The following MYT1L variants were observed in gnomAD, a reference collection of about 807,000 sequenced individuals.
MYT1L encodes myelin transcription factor 1 like, also known as myelin transcription factor 1-like protein.
In MYT1L, 12 loss-of-function variants were observed where a neutral mutation model predicts 126.7. That is an observed-to-expected ratio of 0.09 (90% confidence interval 0.06 to 0.15). MYT1L has a LOEUF of 0.15. Ranked by LOEUF, MYT1L falls within the 10% of genes least tolerant of loss-of-function variation. The pLI, the probability that MYT1L is intolerant of heterozygous loss-of-function variation, is 1.00. For synonymous variants in MYT1L, 541 were observed against 604.2 expected (o/e 0.90, Z 1.53); for missense variants, 979 against 1,585.2 (o/e 0.62, Z 6.49).
At chr2:1,891,604 C>T (rs1415217171) in intron 15 of MYT1L, among the ~76,000 whole-genome samples, 1 of 152,204 alleles carries the variant, frequency 6.6e-6, no homozygotes, top group Non-Finnish European at 1.5e-5. Context: ...CCCTGCTACC[C>T]AGGAGTCCAT....
chr2:1,833,975 G>A (rs1207954054), intron 21 of MYT1L, among the ~76,000 whole-genome samples: 3 of 152,170 alleles, frequency 2.0e-5, no homozygotes, highest in Non-Finnish European at 2.9e-5. Context: ...TCTGAGACCC[G>A]GGGCCGGGAG....
intron 3 of MYT1L, among the ~76,000 whole-genome samples, chr2:2,111,357 G>A (rs1174173429): frequency 1.3e-5 from 2 of 152,162 alleles, no homozygotes; most frequent in Non-Finnish European, 2.9e-5. Context: ...TCCTCCCCCC[G>A]ACGGCACTCA....
At chr2:2,078,046 A>C (rs1308252384) in intron 3 of MYT1L, among the ~76,000 whole-genome samples, 1 of 152,188 alleles carries the variant, frequency 6.6e-6, no homozygotes, top group Non-Finnish European at 1.5e-5. Flanking sequence ...ATAGGACAAA[A>C]TTGGTGGAAG....
intron 4 of MYT1L, among the ~76,000 whole-genome samples, chr2:2,028,643 G>A (rs559945565): frequency 2.0e-5 from 3 of 152,284 alleles, no homozygotes; most frequent in Non-Finnish European, 4.4e-5. Flanking sequence ...CTCTTGTCAG[G>A]AGTATGGTAT....
chr2:1,951,037 C>A (rs763929516), intron 8 of MYT1L, among the ~76,000 whole-genome samples: 1 of 152,000 alleles, frequency 6.6e-6, no homozygotes, highest in Admixed American at 6.6e-5. Flanking sequence ...TGCACTGGTA[C>A]GGAAGACACG....
At chr2:1,829,137 G>A (rs534473204) in intron 21 of MYT1L, among the ~76,000 whole-genome samples, 10 of 152,200 alleles carry the variant, frequency 6.6e-5, no homozygotes, top group African/African-American at 9.6e-5. Flanking sequence ...TGAAGATGGC[G>A]TTGGGCCTCT....
At chr2:1,924,965 T>C (rs564782022) in intron 9 of MYT1L, among the ~76,000 whole-genome samples, 1 of 152,332 alleles carries the variant, frequency 6.6e-6, no homozygotes, top group East Asian at 1.9e-4. Context: ...TTATGCACTT[T>C]GTTATATTCA....
intron 9 of MYT1L, among the ~76,000 whole-genome samples, chr2:1,930,767 A>G (rs1208645055): frequency 6.6e-6 from 1 of 152,164 alleles, no homozygotes; most frequent in Non-Finnish European, 1.5e-5. Flanking sequence ...TTTAGGATTG[A>G]CTGGCATGTT....
chr2:1,799,565 T>C (rs1225465268), intron 23 of MYT1L, among the ~76,000 whole-genome samples: 1 of 152,214 alleles, frequency 6.6e-6, no homozygotes, highest in Admixed American at 6.5e-5. Context: ...CTGAATGGCA[T>C]CCTATTGGAA....
At chr2:1,799,025 A>G (rs1261022336) in intron 23 of MYT1L, among the ~76,000 whole-genome samples, 4 of 151,246 alleles carry the variant, frequency 2.6e-5, no homozygotes, top group Non-Finnish European at 5.9e-5. Flanking sequence ...TCTGGGCTGG[A>G]GCTCATCATC....
chr2:1,812,495 G>A (rs2036821898), intron 21 of MYT1L, among the ~76,000 whole-genome samples: 1 of 152,114 alleles, frequency 6.6e-6, no homozygotes, highest in Non-Finnish European at 1.5e-5. Context: ...GGAGGCCCAG[G>A]GTGAGTGTGA....
At chr2:2,253,266 C>A (rs2094706149) in intron 2 of MYT1L, among the ~76,000 whole-genome samples, 1 of 152,264 alleles carries the variant, frequency 6.6e-6, no homozygotes, top group Non-Finnish European at 1.5e-5. Flanking sequence ...CTCGCAGGAG[C>A]CTCCCTTCTC....
At chr2:2,275,211 TG>T (rs1270778481) in intron 2 of MYT1L, among the ~76,000 whole-genome samples, 2 of 139,488 alleles carry the variant, frequency 1.4e-5, no homozygotes, top group African/African-American at 5.4e-5. Flanking sequence ...AATGTGTGTG[TG>T]TGTGTGTGTG....
At chr2:1,888,403 T>G (rs2048414880) in intron 16 of MYT1L, among the ~76,000 whole-genome samples, 1 of 152,338 alleles carries the variant, frequency 6.6e-6, no homozygotes, top group South Asian at 2.1e-4. Flanking sequence ...TTGAAATCAA[T>G]TTGAAGAATG....
chr2:2,286,677 T>C (rs1041371721), intron 1 of MYT1L, among the ~76,000 whole-genome samples: 1 of 152,158 alleles, frequency 6.6e-6, no homozygotes, highest in South Asian at 2.1e-4. Context: ...TGGCCTCACA[T>C]GGTTTGCTAC....
At chr2:2,030,378 G>A (rs1399135873) in intron 4 of MYT1L, among the ~76,000 whole-genome samples, 1 of 152,090 alleles carries the variant, frequency 6.6e-6, no homozygotes, top group Non-Finnish European at 1.5e-5. Flanking sequence ...ATTACAGGCA[G>A]GAGTTTTAAA....
intron 4 of MYT1L, among the ~76,000 whole-genome samples, chr2:2,017,785 G>A (rs2064588693): frequency 6.6e-6 from 1 of 152,140 alleles, no homozygotes; most frequent in Non-Finnish European, 1.5e-5. Context: ...CAGAAGGGAT[G>A]CTATGTGTTC....
At chr2:1,920,922 C>T (rs573074118) in intron 10 of MYT1L, among the ~76,000 whole-genome samples, 36 of 152,356 alleles carry the variant, frequency 2.4e-4, no homozygotes, top group Non-Finnish European at 4.3e-4. Context: ...GCGACTGAAA[C>T]GCTGTCTGTG....
At chr2:2,136,435 C>G (rs1455093494) in intron 3 of MYT1L, among the ~76,000 whole-genome samples, 1 of 152,154 alleles carries the variant, frequency 6.6e-6, no homozygotes, top group Non-Finnish European at 1.5e-5. Flanking sequence ...TCTTGACAAG[C>G]AAACACATTT....
Sources: allele counts gnomAD v4.1 joint callset (sites outside exome capture counted in the v4.1 genomes callset), GRCh38; gene constraint gnomAD v4.1.1; transcripts MANE v1.5; gene names NCBI Gene and HGNC (gene_info 2026-07-23, HGNC 2026-07-21).